CHIC1: variants seen among roughly 807,000 people sequenced by gnomAD.
CHIC1 encodes cysteine rich hydrophobic domain 1.
Under a neutral mutation model 18.5 loss-of-function variants are expected in CHIC1, and 7 were observed. The ratio of observed to expected loss-of-function variants is 0.38; its 90% CI spans 0.22 to 0.71. CHIC1 has a LOEUF of 0.71. CHIC1 is among the 30% of genes least tolerant of loss of function. The pLI is 0.49. For missense variants in CHIC1, 159 were observed against 176.9 expected, an observed-to-expected ratio of 0.90 and a Z score of 0.57; for synonymous variants, 77 against 73.5, an observed-to-expected ratio of 1.05 and a Z score of -0.25.
chrX:73,595,410 G>A (rs1252395904), intron 3 of CHIC1, among the ~76,000 whole-genome samples: 1 of 110,931 alleles, frequency 9.0e-6, no homozygotes, highest in Non-Finnish European at 1.9e-5. Flanking sequence ...ACTTATAAGT[G>A]AGAACATGCA....
In CHIC1 at chrX:73,681,904, C is replaced by T. The variant is rs12559655; in HGVS notation, c.*899C>T. 27,861 of 111,131 alleles carry T rather than the reference C, an allele frequency of 0.25. 3,659 individuals carry two copies. The highest frequency in any genetic ancestry group is 0.51 in the African/African-American group (15,457 of 30,528). The allele number at this position is 111,131 out of a possible 1,213,427, so 9.2% of individuals were successfully genotyped here. On this transcript the variant is annotated 3_prime_UTR_variant, in exon 6 of 6. Transcript: ENST00000373502. ...TTGTCTACTCCTTCCCACAAAAAAA[C>T]TATTTGACATCTGACACATTTCACA...
chrX:73,676,301 CTCCTGGAGAATA>C (rs2058062525), intron 3 of CHIC1, among the ~76,000 whole-genome samples: 1 of 112,051 alleles, frequency 8.9e-6, no homozygotes, highest in Non-Finnish European at 1.9e-5. Flanking sequence ...TGGAGAAGTT[CTCCTGGAGAATA>C]TCCTGGAGAG....
intron 3 of CHIC1, among the ~76,000 whole-genome samples, chrX:73,596,027 T>A (rs2057606579): frequency 2.7e-5 from 3 of 112,015 alleles, no homozygotes; most frequent in Non-Finnish European, 5.6e-5. Context: ...GGGTTGCTTT[T>A]TTCTTGCAAA....
chrX:73,572,854 C>A (rs1321852153), intron 1 of CHIC1, among the ~76,000 whole-genome samples: 1 of 110,922 alleles, frequency 9.0e-6, no homozygotes, highest in African/African-American at 3.3e-5. Flanking sequence ...GTATATTATA[C>A]CTTTGTTGAT....
At chrX:73,576,064 C>T (rs1445608860) in intron 1 of CHIC1, among the ~76,000 whole-genome samples, 1 of 109,316 alleles carries the variant, frequency 9.1e-6, no homozygotes, top group African/African-American at 3.3e-5. Context: ...ATCAATATCA[C>T]TTCCACCTTC....
chrX:73,648,254 T>TCAA (rs370803853), intron 3 of CHIC1, among the ~76,000 whole-genome samples: 5 of 109,257 alleles, frequency 4.6e-5, no homozygotes, highest in African/African-American at 6.7e-5. Flanking sequence ...AGAGAAAGAA[T>TCAA]CAACAACAAC....
rs1025813808 is a variant in CHIC1, at chrX:73,682,610, A to G, written c.*1605A>G. On this transcript the variant is annotated 3_prime_UTR_variant, in exon 6 of 6. Transcript: ENST00000373502. The stretch of plus-strand genomic sequence containing the variant: ...CCACAGTCCTTGACCAGTTTAAAAA[A>G]GAGAGGAAAAAGAAGACACTATTTT... 6 of 111,948 alleles carry G rather than the reference A, an allele frequency of 5.4e-5. No homozygotes were observed. The highest frequency in any genetic ancestry group is 9.5e-5 in the Non-Finnish European group (5 of 52,864). 9.2% of individuals were successfully genotyped at this position (111,948 alleles called of 1,213,427 possible).
At chrX:73,649,802 A>T (rs1191285160) in intron 3 of CHIC1, among the ~76,000 whole-genome samples, 3 of 112,020 alleles carry the variant, frequency 2.7e-5, no homozygotes, top group Admixed American at 9.4e-5. Context: ...ATTAACAAGG[A>T]TATTCAGGAC....
At chrX:73,589,200 A>G (rs1200895590) in intron 3 of CHIC1, among the ~76,000 whole-genome samples, 1 of 110,402 alleles carries the variant, frequency 9.1e-6, no homozygotes, top group Non-Finnish European at 1.9e-5. Context: ...TTGCTTACTC[A>G]CATTCTGAGA....
At chrX:73,598,086 T>C (rs901127337) in intron 3 of CHIC1, among the ~76,000 whole-genome samples, 2 of 111,540 alleles carry the variant, frequency 1.8e-5, no homozygotes, top group African/African-American at 6.5e-5. Context: ...AACATTCATA[T>C]GCATGTGTCT....
At chrX:73,675,918 G>T (rs2058059854) in intron 3 of CHIC1, among the ~76,000 whole-genome samples, 1 of 110,111 alleles carries the variant, frequency 9.1e-6, no homozygotes, top group Non-Finnish European at 1.9e-5. Context: ...CTCTTTTAGG[G>T]CAGGCCTGGT....
intron 3 of CHIC1, among the ~76,000 whole-genome samples, chrX:73,612,175 T>C (rs2057712108): frequency 8.9e-6 from 1 of 111,849 alleles, no homozygotes; most frequent in South Asian, 3.7e-4. Context: ...AAGTCTTTAA[T>C]CCATCTTGAA....
intron 3 of CHIC1, among the ~76,000 whole-genome samples, chrX:73,663,063 A>G (rs1211342735): frequency 9.0e-6 from 1 of 111,593 alleles, no homozygotes; most frequent in Non-Finnish European, 1.9e-5. Flanking sequence ...GAATAGTATA[A>G]AAACAGTCTT....
chrX:73,674,234 G>A (rs748235450), intron 3 of CHIC1, among the ~76,000 whole-genome samples: 13 of 111,618 alleles, frequency 1.2e-4, no homozygotes, highest in Non-Finnish European at 1.3e-4. Context: ...GTATCAGGAT[G>A]ATGCTGGCCT....
chrX:73,563,363 A>ACGTCGTCGTCGTCGC lies in CHIC1; in HGVS notation c.94_108dup (p.Pro32_Ser36dup), dbSNP rs1055194208. ...GGAGGAGGAGGAAGAAGAAGCGGCA[A>ACGTCGTCGTCGTCGC]CGTCGTCGTCGTCGCCGTCGTCGTC... On this transcript the variant is annotated inframe_insertion, in exon 1 of 6. Transcript: ENST00000373502. The ACGTCGTCGTCGTCGC allele has an allele frequency of 8.7e-7, 1 of 1,151,714 alleles. No homozygotes were observed. Among genetic ancestry groups the ACGTCGTCGTCGTCGC allele is most frequent in the Non-Finnish European group, 1.2e-6 (1 of 865,888 alleles). 94.9% of individuals were successfully genotyped at this position (1,151,714 alleles called of 1,213,427 possible). A position where few individuals can be genotyped will look rare whatever the true frequency, so the allele number is the denominator to read the frequency against.
chrX:73,671,729 A>G (rs1344539224), intron 3 of CHIC1, among the ~76,000 whole-genome samples: 3 of 104,761 alleles, frequency 2.9e-5, no homozygotes, highest in Non-Finnish European at 5.9e-5. Context: ...TTCTATTAGT[A>G]TTTATTTATT....
intron 3 of CHIC1, among the ~76,000 whole-genome samples, chrX:73,651,194 T>A (rs2057914609): frequency 9.1e-6 from 1 of 110,357 alleles, no homozygotes. Context: ...ATCTCAATAA[T>A]TTATAGATAT....
intron 3 of CHIC1, among the ~76,000 whole-genome samples, chrX:73,598,587 C>CT (rs1454471444): frequency 5.8e-5 from 6 of 104,087 alleles, no homozygotes. Context: ...TGGTGTTTGG[C>CT]TTTTTGTTCT....
At chrX:73,571,721 G>A (rs1008186364) in intron 1 of CHIC1, among the ~76,000 whole-genome samples, 1 of 111,147 alleles carries the variant, frequency 9.0e-6, no homozygotes, top group African/African-American at 3.3e-5. Flanking sequence ...TTAAAATGTA[G>A]TTAAAATCTT....
Sources: allele counts gnomAD v4.1 joint callset (sites outside exome capture counted in the v4.1 genomes callset), GRCh38; gene constraint gnomAD v4.1.1; transcripts MANE v1.5; gene names NCBI Gene and HGNC (gene_info 2026-07-23, HGNC 2026-07-21).